Variants in SRBD1 observed in about 807,000 individuals in gnomAD.
The protein encoded by SRBD1 is S1 RNA-binding domain-containing protein 1.
SRBD1 carries 88 observed loss-of-function variants against 115.3 expected under a neutral mutation model. The ratio of observed to expected loss-of-function variants is 0.76; its 90% CI spans 0.64 to 0.91. The LOEUF (loss-of-function observed/expected upper bound fraction) is 0.91. Among genes scored for constraint, SRBD1 ranks in the 40% least tolerant of loss-of-function variants. The pLI is 0.00. For synonymous variants in SRBD1, 509 were observed against 407.7 expected (o/e 1.25, Z -2.99); for missense variants, 1,385 against 1,177.4 (o/e 1.18, Z -2.58).
At chr2:45,567,421 G>A (rs192581112) in intron 9 of SRBD1, among the ~76,000 whole-genome samples, 4 of 152,058 alleles carry the variant, frequency 2.6e-5, no homozygotes, top group Non-Finnish European at 4.4e-5. Flanking sequence ...ATGAGCCTGG[G>A]CAACATGGCG....
At chr2:45,483,240 T>C (rs1371682712) in intron 15 of SRBD1, among the ~76,000 whole-genome samples, 1 of 152,052 alleles carries the variant, frequency 6.6e-6, no homozygotes, top group Non-Finnish European at 1.5e-5. Context: ...ATTTATTAAA[T>C]GGTAACATAG....
intron 16 of SRBD1, among the ~76,000 whole-genome samples, chr2:45,437,052 AATAAG>A (rs1215905148): frequency 1.3e-5 from 2 of 152,210 alleles, no homozygotes. Flanking sequence ...GTATAAATCT[AATAAG>A]ATATGTATAA....
At chr2:45,548,857 C>T (rs1672203006) in intron 12 of SRBD1, 1 of 152,224 alleles carries the variant, frequency 6.6e-6, no homozygotes, top group African/African-American at 2.4e-5. Flanking sequence ...CCCCCACCCT[C>T]CAAAAAAGCA....
chr2:45,581,390 C>T (rs745854059), intron 6 of SRBD1, among the ~76,000 whole-genome samples: 4 of 152,210 alleles, frequency 2.6e-5, no homozygotes, highest in Non-Finnish European at 5.9e-5. Flanking sequence ...ACATCCACAT[C>T]TGGATCTCTA....
At chr2:45,409,532 A>G (rs1667535032) in intron 19 of SRBD1, among the ~76,000 whole-genome samples, 1 of 148,438 alleles carries the variant, frequency 6.7e-6, no homozygotes, top group Non-Finnish European at 1.5e-5. Flanking sequence ...AAAAAAAAAG[A>G]ATAAAGAAAA....
intron 16 of SRBD1, among the ~76,000 whole-genome samples, chr2:45,470,419 C>G (rs917077860): frequency 6.6e-6 from 1 of 151,974 alleles, no homozygotes; most frequent in Non-Finnish European, 1.5e-5. Context: ...ATAACAGTTC[C>G]AAAAACTTAT....
chr2:45,575,411 G>C (rs962285136), intron 7 of SRBD1, among the ~76,000 whole-genome samples: 4 of 152,204 alleles, frequency 2.6e-5, no homozygotes, highest in African/African-American at 7.2e-5. Context: ...CTTACACTGA[G>C]AGAGATCATT....
intron 11 of SRBD1, among the ~76,000 whole-genome samples, chr2:45,552,084 G>T (rs1198017352): frequency 6.6e-6 from 1 of 152,176 alleles, no homozygotes; most frequent in Admixed American, 6.5e-5. Context: ...TAGAACTGAT[G>T]ACAGAGATAG....
chr2:45,426,992 G>C (rs947475162), intron 16 of SRBD1, among the ~76,000 whole-genome samples: 56 of 152,198 alleles, frequency 3.7e-4, no homozygotes, highest in African/African-American at 1.3e-3. Context: ...ACTGGATGGA[G>C]AATTAATTTG....
intron 15 of SRBD1, among the ~76,000 whole-genome samples, chr2:45,484,556 G>T (rs1670058227): frequency 6.6e-6 from 1 of 152,126 alleles, no homozygotes; most frequent in Admixed American, 6.6e-5. Context: ...TGTGTGGAAG[G>T]GGATGTTAAT....
At chr2:45,463,313 G>C (rs1382497753) in intron 16 of SRBD1, among the ~76,000 whole-genome samples, 1 of 152,124 alleles carries the variant, frequency 6.6e-6, no homozygotes, top group South Asian at 2.1e-4. Context: ...AATGCATACT[G>C]TCCCTATAAT....
chr2:45,568,369 T>C (rs1347416658), intron 9 of SRBD1, among the ~76,000 whole-genome samples: 1 of 152,192 alleles, frequency 6.6e-6, no homozygotes, highest in Admixed American at 6.5e-5. Context: ...TGTGATACTG[T>C]GCTGGGGTTA....
At chr2:45,516,027 A>G (rs1558447773) in intron 14 of SRBD1, among the ~76,000 whole-genome samples, 2 of 152,158 alleles carry the variant, frequency 1.3e-5, no homozygotes, top group Non-Finnish European at 2.9e-5. Flanking sequence ...CACTCTCAAA[A>G]CACTCCTAGT....
At chr2:45,505,874 A>C (rs1670782222) in intron 14 of SRBD1, among the ~76,000 whole-genome samples, 1 of 152,168 alleles carries the variant, frequency 6.6e-6, no homozygotes, top group South Asian at 2.1e-4. Flanking sequence ...TTCTATTTAG[A>C]TATCCTCTGC....
chr2:45,391,363 GACAAA>G (rs1487525275), intron 20 of SRBD1, among the ~76,000 whole-genome samples: 4 of 152,038 alleles, frequency 2.6e-5, no homozygotes, highest in African/African-American at 9.7e-5. Flanking sequence ...TTACACCATT[GACAAA>G]ACAAAAGACA....
chr2:45,531,023 G>C (rs1350885894), intron 14 of SRBD1, among the ~76,000 whole-genome samples: 2 of 149,746 alleles, frequency 1.3e-5, no homozygotes, highest in African/African-American at 2.4e-5. Flanking sequence ...AATAATTTGC[G>C]TATACTGCTC....
chr2:45,556,347 T>C (rs1672475220), intron 10 of SRBD1, among the ~76,000 whole-genome samples: 3 of 147,712 alleles, frequency 2.0e-5, no homozygotes, highest in African/African-American at 5.0e-5. Context: ...AAAACAGAAA[T>C]AAATGTTAAA....
intron 8 of SRBD1, 108 bp from the exon 9 acceptor site, chr2:45,573,450 A>G (rs1673083529): frequency 7.5e-7 from 1 of 1,331,786 alleles, no homozygotes; most frequent in Non-Finnish European, 1.0e-6. Context: ...TTACCAAGTG[A>G]GTTTTTTTAA....
In SRBD1 at chr2:45,482,279, T is replaced by C. The variant is rs1269110435; in HGVS notation, c.1967-5204A>G. On this transcript the variant is annotated intron_variant, in intron 15 of 20. Coordinates refer to ENST00000263736, the MANE Select transcript of SRBD1 (RefSeq NM_018079.5). ...GATGCAACTTGACAAAAAGGGAAGA[T>C]ATAAATATTGAAATGACATTATTTA... Among the ~76,000 whole-genome samples, 4 of 152,112 alleles carry C rather than the reference T, an allele frequency of 2.6e-5. 1 individual carries two copies. In the South Asian group the frequency reaches 8.3e-4, roughly 31 times the overall value.
Sources: allele counts gnomAD v4.1 joint callset (sites outside exome capture counted in the v4.1 genomes callset), GRCh38; gene constraint gnomAD v4.1.1; transcripts MANE v1.5; gene names NCBI Gene and HGNC (gene_info 2026-07-23, HGNC 2026-07-21).